Variants in TAC3 observed in about 807,000 individuals in gnomAD.
TAC3 encodes the protein tachykinin-3.
TAC3 carries 9 observed loss-of-function variants against 16.5 expected under a neutral mutation model. The observed-to-expected ratio is 0.55, with a 90% CI of 0.33 to 0.95. The LOEUF (loss-of-function observed/expected upper bound fraction) is 0.95, where lower values mean the gene tolerates loss of function less well. TAC3 is among the 40% of genes least tolerant of loss of function. The probability of loss-of-function intolerance (pLI) is 0.03; values close to 1 mark genes in which losing one functional copy is unlikely to be tolerated. For missense variants in TAC3, 129 were observed against 149.1 expected, an observed-to-expected ratio of 0.87 and a Z score of 0.70; for synonymous variants, 52 against 56.7, an observed-to-expected ratio of 0.92 and a Z score of 0.37.
chr12:57,013,081 T>C lies in TAC3; in HGVS notation c.239-206A>G, dbSNP rs922068082. On this transcript the variant is annotated intron_variant, in intron 4 of 6. Coordinates refer to ENST00000458521, the MANE Select transcript of TAC3 (RefSeq NM_013251.4). ...CCTCCACATTTCAAGAATTTTCTGCTCTAGCAGGTGCCTGATTTGGAATTT... is the reference window on the plus strand; with the variant it reads ...CCTCCACATTTCAAGAATTTTCTGCCCTAGCAGGTGCCTGATTTGGAATTT... 9.0e-6 allele frequency: 7 copies of C among 776,524 alleles called. No homozygotes were observed. In the African/African-American group the frequency reaches 1.2e-4, roughly 13 times the overall value. 48.1% of individuals were successfully genotyped at this position (776,524 alleles called of 1,614,324 possible).
At chr12:57,013,297 C>T in intron 4 of TAC3, 62 bp downstream of exon 4, 1 of 1,599,246 alleles carries the variant, frequency 6.3e-7, no homozygotes, top group Non-Finnish European at 8.6e-7. Context: ...GCCCCTGGGC[C>T]CAATGCCCCA....
chr12:57,014,493 C>T (rs180699443), intron 2 of TAC3, among the ~76,000 whole-genome samples: 99 of 152,332 alleles, frequency 6.5e-4, no homozygotes, highest in African/African-American at 2.4e-3. Context: ...CCTCTTCCTG[C>T]CCCAATTTCC....
chr12:57,015,481 A>G (rs1197780098), intron 2 of TAC3, among the ~76,000 whole-genome samples: 1 of 152,230 alleles, frequency 6.6e-6, no homozygotes, highest in African/African-American at 2.4e-5. Context: ...CAAGGTGTCA[A>G]AGACATGCAG....
At chr12:57,012,755 G>GC in intron 5 of TAC3, 67 bp downstream of exon 5, 1 of 1,613,802 alleles carries the variant, frequency 6.2e-7, no homozygotes, top group Non-Finnish European at 8.5e-7. Flanking sequence ...CAAATATGAG[G>GC]CACGTGACTT....
intron 6 of TAC3, among the ~76,000 whole-genome samples, chr12:57,011,569 G>A (rs1339628124): frequency 1.3e-5 from 2 of 152,140 alleles, no homozygotes; most frequent in Non-Finnish European, 1.5e-5. Flanking sequence ...AGCCAGTCAG[G>A]GGAAACATTA....
At chr12:57,013,127 C>G (rs1463733969) in intron 4 of TAC3, 2 of 716,640 alleles carry the variant, frequency 2.8e-6, no homozygotes, top group Non-Finnish European at 4.7e-6. Flanking sequence ...GAAGAGATCC[C>G]CTTGTTTTCC....
chr12:57,013,898 G>A (rs1592458825), intron 2 of TAC3, among the ~76,000 whole-genome samples: 1 of 152,176 alleles, frequency 6.6e-6, no homozygotes, highest in South Asian at 2.1e-4. Flanking sequence ...GCAGACTCTT[G>A]TTCCTACCCC....
chr12:57,012,640 C>G (rs963342806), intron 5 of TAC3, 182 bp downstream of exon 5: 3 of 1,612,984 alleles, frequency 1.9e-6, no homozygotes, highest in Non-Finnish European at 2.5e-6. Context: ...GTCTCTGCTC[C>G]TCTGTTCCCA....
intron 2 of TAC3, 107 bp from the exon 3 acceptor site, chr12:57,013,778 C>G (rs1289602931): frequency 1.1e-6 from 1 of 950,750 alleles, no homozygotes; most frequent in Non-Finnish European, 1.6e-6. Flanking sequence ...AATCCGACAC[C>G]CTATTTCTTT....
rs1176932199 is a variant in TAC3, at chr12:57,013,684, C to T, written c.115-13G>A. The T allele has an allele frequency of 1.2e-6, 2 of 1,606,754 alleles. No individual in the cohort carries two copies. Among genetic ancestry groups the T allele is most frequent in the East Asian group, 4.5e-5 (2 of 44,812 alleles). ...GATCTGGATCCCTCTAGGGAAGAAACAAAGAGGGGTGAGGCAGGAGGCTCC... is the reference window on the plus strand; with the variant it reads ...GATCTGGATCCCTCTAGGGAAGAAATAAAGAGGGGTGAGGCAGGAGGCTCC... On this transcript the variant is annotated splice_polypyrimidine_tract_variant and intron_variant, in intron 2 of 6. Transcript: ENST00000458521.
At chr12:57,012,624 A>G in intron 5 of TAC3, 172 bp from the exon 6 acceptor site, 1 of 1,612,974 alleles carries the variant, frequency 6.2e-7, no homozygotes, top group Non-Finnish European at 8.5e-7. Flanking sequence ...GGACTACCTT[A>G]TAAAGGTCTC....
chr12:57,012,729 T>C (rs546881692), intron 5 of TAC3, 93 bp downstream of exon 5: 5 of 1,613,510 alleles, frequency 3.1e-6, no homozygotes, highest in Non-Finnish European at 4.2e-6. Flanking sequence ...AAAGGTCCTG[T>C]CTTTCCCTCT....
Position 57,014,396 on chromosome 12 carries a change from G to A in TAC3, c.115-725C>T, listed in dbSNP as rs112936682. 9.9e-5 allele frequency among the ~76,000 whole-genome samples: 15 copies of A among 152,124 alleles called. 1 individual carries two copies. Among genetic ancestry groups the A allele is most frequent in the African/African-American group, 2.9e-4 (12 of 41,480 alleles). ...TCTTTCCAGAACCCAGGCATCCTTC[G>A]GCTGTTGTGCACACACAGAAGTGCA... On this transcript the variant is annotated intron_variant, in intron 2 of 6. Coordinates refer to ENST00000458521, the MANE Select transcript of TAC3 (RefSeq NM_013251.4).
chr12:57,012,749 TATG>T, intron 5 of TAC3, 70 bp downstream of exon 5: 1 of 1,613,814 alleles, frequency 6.2e-7, no homozygotes. Flanking sequence ...TGGTGACAAA[TATG>T]AGGCACGTGA....
Position 57,012,888 on chromosome 12 carries a change from G to C in TAC3, c.239-13C>G, listed in dbSNP as rs568672609. The C allele has an allele frequency of 3.1e-6, 5 of 1,614,098 alleles. No individual in the cohort carries two copies. The South Asian group carries it at 5.5e-5, about 18-fold the overall frequency. ...TCATGCATGTCACCTGCAGAAAAGG[G>C]CCAACATTGTCAGCAGTGATGATGA... On this transcript the variant is annotated splice_polypyrimidine_tract_variant and intron_variant, in intron 4 of 6. Coordinates refer to ENST00000458521, the MANE Select transcript of TAC3 (RefSeq NM_013251.4).
In TAC3 at chr12:57,010,268, C is replaced by A; in HGVS notation, c.*22G>T. ...GGAAAGAGGTCTTCCTAATGCAGTC[C>A]AGGAGTCCGGAAGTGGAGTACTGAG... is the stretch of plus-strand genomic sequence containing the variant. On this transcript the variant is annotated 3_prime_UTR_variant, in exon 7 of 7. Coordinates refer to ENST00000458521, the MANE Select transcript of TAC3 (RefSeq NM_013251.4). 2.2e-6 allele frequency: 1 copy of A among 449,914 alleles called. No individual in the cohort carries two copies. Among genetic ancestry groups the A allele is most frequent in the Non-Finnish European group, 4.5e-6 (1 of 224,276 alleles). The allele number at this position is 449,914 out of a possible 1,614,324, so 27.9% of individuals were successfully genotyped here.
intron 6 of TAC3, among the ~76,000 whole-genome samples, chr12:57,011,886 C>T (rs1467214903): frequency 1.3e-5 from 2 of 152,170 alleles, no homozygotes; most frequent in Non-Finnish European, 2.9e-5. Flanking sequence ...TTTCAGAGTT[C>T]CTTGCATTTC....
intron 6 of TAC3, 53 bp downstream of exon 6, chr12:57,012,325 C>T (rs1203882440): frequency 9.9e-6 from 15 of 1,508,818 alleles, no homozygotes; most frequent in South Asian, 3.5e-5. Flanking sequence ...AGCTGGCAAC[C>T]CCCACAGCCC....
At chr12:57,013,836 G>A (rs150363006) in intron 2 of TAC3, among the ~76,000 whole-genome samples, 165 bp from the exon 3 acceptor site, 33 of 152,318 alleles carry the variant, frequency 2.2e-4, no homozygotes, top group Non-Finnish European at 4.3e-4. Flanking sequence ...TGCTCCAGGA[G>A]TGACCTGTGG....
Sources: gnomAD v4.1 joint callset for allele counts (sites outside exome capture counted in the v4.1 genomes callset) on GRCh38, gnomAD v4.1.1 for gene constraint, MANE v1.5 for transcripts, NCBI Gene and HGNC (gene_info 2026-07-23, HGNC 2026-07-21) for gene names.